ROBO2: variants seen among roughly 807,000 people sequenced by gnomAD.
ROBO2 encodes roundabout guidance receptor 2, also known as roundabout homolog 2.
In ROBO2, 53 loss-of-function variants were observed where a neutral mutation model predicts 160.8. That is an observed-to-expected ratio of 0.33 (90% confidence interval 0.26 to 0.41). The LOEUF (loss-of-function observed/expected upper bound fraction) is 0.41, where lower values mean the gene tolerates loss of function less well. Ranked by LOEUF, ROBO2 falls within the 10% of genes least tolerant of loss-of-function variation. ROBO2 has a pLI of 1.00. For synonymous variants in ROBO2, 664 were observed against 611.7 expected, an observed-to-expected ratio of 1.09 and a Z score of -1.26; for missense variants, 1,577 against 1,722.4, an observed-to-expected ratio of 0.92 and a Z score of 1.49.
chr3:76,983,292 A>C (rs1330101905), intron 2 of ROBO2, among the ~76,000 whole-genome samples: 18 of 152,180 alleles, frequency 1.2e-4, no homozygotes, highest in Non-Finnish European at 4.4e-5. Flanking sequence ...GTCTCAAAAA[A>C]AAAATTATAA....
At chr3:76,291,312 G>A (rs1250560400) in intron 2 of ROBO2, among the ~76,000 whole-genome samples, 1 of 152,068 alleles carries the variant, frequency 6.6e-6, no homozygotes, top group Non-Finnish European at 1.5e-5. Flanking sequence ...ATTTCTTCTA[G>A]ATTTTCTAGT....
At chr3:76,770,562 C>T (rs1241601827) in intron 2 of ROBO2, among the ~76,000 whole-genome samples, 1 of 151,184 alleles carries the variant, frequency 6.6e-6, no homozygotes, top group African/African-American at 2.4e-5. Context: ...CCCCACATCC[C>T]TGTTTCTCAT....
chr3:77,289,295 G>A (rs573712399), intron 2 of ROBO2, among the ~76,000 whole-genome samples: 7 of 152,230 alleles, frequency 4.6e-5, no homozygotes, highest in South Asian at 2.1e-4. Flanking sequence ...TAAAATTGAC[G>A]GTTAAATGGG....
At chr3:76,946,100 T>C (rs1163703982) in intron 2 of ROBO2, among the ~76,000 whole-genome samples, 8 of 152,230 alleles carry the variant, frequency 5.3e-5, no homozygotes, top group Non-Finnish European at 7.3e-5. Context: ...TGCTACTTTT[T>C]GGTCTTGCTT....
chr3:76,235,193 A>G (rs1704865696), intron 2 of ROBO2, among the ~76,000 whole-genome samples: 1 of 152,248 alleles, frequency 6.6e-6, no homozygotes, highest in South Asian at 2.1e-4. Flanking sequence ...CCAAGTTAAG[A>G]TGGAATCATA....
intron 2 of ROBO2, among the ~76,000 whole-genome samples, chr3:76,444,823 C>T (rs563024819): frequency 7.9e-5 from 12 of 152,162 alleles, no homozygotes; most frequent in East Asian, 3.9e-4. Context: ...TTGTTTTTAC[C>T]GCTTTTTTAC....
intron 2 of ROBO2, among the ~76,000 whole-genome samples, chr3:76,445,925 C>A (rs994304753): frequency 6.6e-6 from 1 of 152,126 alleles, no homozygotes; most frequent in Non-Finnish European, 1.5e-5. Context: ...AAACCCACAG[C>A]CAATATCATA....
chr3:76,116,966 C>CA (rs1271676389), intron 2 of ROBO2, among the ~76,000 whole-genome samples: 1 of 152,076 alleles, frequency 6.6e-6, no homozygotes, highest in East Asian at 1.9e-4. Context: ...TCCCAGTATT[C>CA]AAAAAACTGA....
At chr3:77,379,622 A>G (rs576609423) in intron 2 of ROBO2, among the ~76,000 whole-genome samples, 1 of 152,340 alleles carries the variant, frequency 6.6e-6, no homozygotes, top group African/African-American at 2.4e-5. Context: ...TGAACATTTT[A>G]AAAATAATAA....
intron 2 of ROBO2, among the ~76,000 whole-genome samples, chr3:77,000,901 A>G (rs753481446): frequency 1.7e-4 from 26 of 152,312 alleles, no homozygotes; most frequent in Non-Finnish European, 3.1e-4. Context: ...AATCTGAATA[A>G]TAAAATGCTT....
At chr3:77,301,974 C>T (rs148217662) in intron 2 of ROBO2, among the ~76,000 whole-genome samples, 75 of 152,030 alleles carry the variant, frequency 4.9e-4, no homozygotes, top group African/African-American at 1.8e-3. Flanking sequence ...ACAGTCATGG[C>T]TCACTGCAGC....
At position 76,838,793 on chromosome 3, in the gene ROBO2, T is replaced by C. The variant is rs2067954604; in HGVS notation, c.110-259221T>C. Among the ~76,000 whole-genome samples, 2 of 152,114 alleles carry C rather than the reference T, an allele frequency of 1.3e-5. 1 individual carries two copies. Among genetic ancestry groups the C allele is most frequent in the South Asian group, 4.1e-4 (2 of 4,828 alleles). Reference sequence around the variant, plus strand: ...TACTCTACCCTTGGTGAATACTGAATAGGCTCTTCAAACTCATTAATTTCA... The same window carrying C: ...TACTCTACCCTTGGTGAATACTGAACAGGCTCTTCAAACTCATTAATTTCA... On this transcript the variant is annotated intron_variant, in intron 2 of 26. Coordinates refer to the ROBO2 transcript ENST00000487694.
At chr3:77,505,271 T>A (rs1468737698) in intron 5 of ROBO2, among the ~76,000 whole-genome samples, 5 of 152,282 alleles carry the variant, frequency 3.3e-5, no homozygotes, top group Admixed American at 3.3e-4. Flanking sequence ...AGGGAATACA[T>A]TGAGTGTATT....
exon 6 of ROBO2, chr3:77,522,833 G>A: frequency 6.2e-7 from 1 of 1,609,740 alleles, no homozygotes; most frequent in Non-Finnish European, 8.5e-7. Context: ...TACAGATGAA[G>A]GCACCTATAT....
At chr3:77,632,546 G>A in intron 23 of ROBO2, 1 of 1,535,852 alleles carries the variant, frequency 6.5e-7, no homozygotes, top group Non-Finnish European at 8.7e-7. Context: ...TCTAGTGTAG[G>A]TAGCTCCTCA....
chr3:76,595,082 G>A (rs1275376479), intron 2 of ROBO2, among the ~76,000 whole-genome samples: 2 of 151,854 alleles, frequency 1.3e-5, no homozygotes, highest in African/African-American at 4.8e-5. Context: ...CAGCCCTTTT[G>A]CAAACCAGAA....
At chr3:76,789,098 G>C (rs1003608183) in intron 2 of ROBO2, among the ~76,000 whole-genome samples, 5 of 151,484 alleles carry the variant, frequency 3.3e-5, no homozygotes, top group African/African-American at 1.2e-4. Flanking sequence ...CATAGGTTAG[G>C]AGGAAATCAC....
At chr3:76,692,646 C>G (rs1257820126) in intron 2 of ROBO2, among the ~76,000 whole-genome samples, 1 of 151,978 alleles carries the variant, frequency 6.6e-6, no homozygotes, top group Non-Finnish European at 1.5e-5. Flanking sequence ...TTTGGCAATA[C>G]CCTTTTCTTC....
chr3:76,557,900 A>G (rs2083906069), intron 2 of ROBO2, among the ~76,000 whole-genome samples: 1 of 143,540 alleles, frequency 7.0e-6, no homozygotes, highest in Non-Finnish European at 1.5e-5. Flanking sequence ...AAAAAAAAAA[A>G]CTACTTGTTT....
Sources: allele counts gnomAD v4.1 joint callset (sites outside exome capture counted in the v4.1 genomes callset), GRCh38; gene constraint gnomAD v4.1.1; transcripts MANE v1.5; gene names NCBI Gene and HGNC (gene_info 2026-07-23, HGNC 2026-07-21).